Variants in PTPRN2 observed in about 807,000 individuals in gnomAD.
PTPRN2 encodes protein tyrosine phosphatase receptor type N2.
PTPRN2 carries 74 observed loss-of-function variants against 118.8 expected under a neutral mutation model. The observed-to-expected ratio is 0.62, with a 90% CI of 0.52 to 0.76. PTPRN2 has a LOEUF of 0.76. Among genes scored for constraint, PTPRN2 ranks in the 30% least tolerant of loss-of-function variants. The pLI is 0.00. For missense variants in PTPRN2, 1,481 were observed against 1,394.4 expected, an observed-to-expected ratio of 1.06 and a Z score of -0.99; for synonymous variants, 641 against 608.0, an observed-to-expected ratio of 1.05 and a Z score of -0.80.
intron 19 of PTPRN2, among the ~76,000 whole-genome samples, chr7:157,576,174 C>T (rs942991682): frequency 6.6e-6 from 1 of 152,168 alleles, no homozygotes; most frequent in African/African-American, 2.4e-5. Context: ...CAGACAGCCA[C>T]GGGCTAAGTG....
chr7:157,725,454 ATG>A lies in PTPRN2; in HGVS notation c.1789-42519_1789-42518del, dbSNP rs1333380515. On this transcript the variant is annotated intron_variant, in intron 12 of 22. Transcript: ENST00000389418. ...CCTCCCAGGAGAACTGGATATCCAC[ATG>A]CAGAGGAGTGAGCCAGACCCTCACC... 3.3e-3 allele frequency among the ~76,000 whole-genome samples: 306 copies of A among 92,858 alleles called. 1 individual carries two copies. Among genetic ancestry groups the A allele is most frequent in the African/African-American group, 0.01 (201 of 19,748 alleles). The allele number at this position is 92,858 out of a possible 152,430, so 60.9% of individuals were successfully genotyped here. A position where few individuals can be genotyped will look rare whatever the true frequency, so the allele number is the denominator to read the frequency against.
intron 2 of PTPRN2, among the ~76,000 whole-genome samples, chr7:158,357,184 A>T (rs1324360649): frequency 6.6e-6 from 1 of 152,248 alleles, no homozygotes; most frequent in African/African-American, 2.4e-5. Flanking sequence ...TTGCAGGTAG[A>T]GTTTACTGGG....
intron 2 of PTPRN2, among the ~76,000 whole-genome samples, chr7:158,337,570 T>G (rs199528590): frequency 1.2e-3 from 78 of 62,732 alleles, no homozygotes; most frequent in African/African-American, 3.4e-3. Context: ...CTCACCATAA[T>G]TGGTGACACC....
intron 12 of PTPRN2, among the ~76,000 whole-genome samples, chr7:157,759,152 TC>T (rs1186624698): frequency 6.6e-6 from 1 of 152,180 alleles, no homozygotes; most frequent in Admixed American, 6.5e-5. Context: ...GATCTGCCGC[TC>T]CCCCCTTCCC....
At chr7:158,513,556 G>C (rs949843371) in intron 1 of PTPRN2, among the ~76,000 whole-genome samples, 2 of 152,196 alleles carry the variant, frequency 1.3e-5, no homozygotes, top group Non-Finnish European at 2.9e-5. Context: ...GAAGATATGA[G>C]AACTCTCTGT....
chr7:158,090,601 C>A (rs1814036180), intron 10 of PTPRN2, among the ~76,000 whole-genome samples: 1 of 152,122 alleles, frequency 6.6e-6, no homozygotes, highest in Non-Finnish European at 1.5e-5. Flanking sequence ...AACATGCCAA[C>A]AAAGAAGAGA....
At chr7:157,908,104 C>T (rs555050335) in intron 11 of PTPRN2, among the ~76,000 whole-genome samples, 58 of 152,362 alleles carry the variant, frequency 3.8e-4, no homozygotes, top group Non-Finnish European at 7.2e-4. Context: ...GCACATGGGA[C>T]CGGCCGGCGT....
intron 11 of PTPRN2, among the ~76,000 whole-genome samples, chr7:158,062,277 ACT>A (rs1810402778): frequency 6.6e-6 from 1 of 152,166 alleles, no homozygotes; most frequent in Non-Finnish European, 1.5e-5. Flanking sequence ...TGGGACTGAA[ACT>A]CAGTCCTGTG....
At chr7:158,249,682 C>T (rs542290742) in intron 3 of PTPRN2, among the ~76,000 whole-genome samples, 7 of 152,336 alleles carry the variant, frequency 4.6e-5, no homozygotes, top group African/African-American at 1.4e-4. Context: ...GAGGGGTTTC[C>T]TATGGTCAGT....
intron 11 of PTPRN2, among the ~76,000 whole-genome samples, chr7:157,923,095 T>C (rs1028173687): frequency 3.3e-5 from 5 of 152,250 alleles, no homozygotes; most frequent in Admixed American, 2.6e-4. Context: ...GCTGTGTGTG[T>C]CAATAAAGGT....
intron 6 of PTPRN2, among the ~76,000 whole-genome samples, chr7:158,155,751 TCAC>T (rs1821752826): frequency 9.6e-5 from 2 of 20,926 alleles, no homozygotes; most frequent in Non-Finnish European, 2.7e-4. Context: ...ATCATCACCA[TCAC>T]CATCATCATC....
intron 16 of PTPRN2, among the ~76,000 whole-genome samples, chr7:157,597,495 T>C (rs372845340): frequency 6.6e-6 from 1 of 152,108 alleles, no homozygotes; most frequent in Admixed American, 6.5e-5. Flanking sequence ...TTTTTTTTTT[T>C]GCCCAGAGCA....
chr7:158,072,058 CGTG>C (rs1199716762), intron 11 of PTPRN2, among the ~76,000 whole-genome samples: 17 of 114,148 alleles, frequency 1.5e-4, no homozygotes, highest in African/African-American at 4.1e-4. Context: ...TGGAGGTTCC[CGTG>C]GTGGTGGAGG....
chr7:158,020,930 A>G (rs1806830611), intron 11 of PTPRN2, among the ~76,000 whole-genome samples: 1 of 152,230 alleles, frequency 6.6e-6, no homozygotes, highest in Admixed American at 6.5e-5. Context: ...AGCCCCCTCT[A>G]TAGAGGAGGC....
rs1049911473 is a variant in PTPRN2, at chr7:158,446,538, C to T, written c.163+43197G>A. ...CCACCCCCAGCGGGCAGACCCCACCCGGACTCTGCCTGGGCCACAGCCGCC... is the reference window on the plus strand; with the variant it reads ...CCACCCCCAGCGGGCAGACCCCACCTGGACTCTGCCTGGGCCACAGCCGCC... On this transcript the variant is annotated intron_variant, in intron 2 of 22. Transcript: ENST00000389418. 5.3e-5 allele frequency among the ~76,000 whole-genome samples: 8 copies of T among 151,676 alleles called. No homozygotes were observed. The East Asian group carries it at 5.9e-4, about 11-fold the overall frequency.
chr7:158,322,138 G>A (rs1468911958), intron 2 of PTPRN2, among the ~76,000 whole-genome samples: 1 of 152,128 alleles, frequency 6.6e-6, no homozygotes, highest in African/African-American at 2.4e-5. Flanking sequence ...TGCTATGCCT[G>A]CTGCTTGGCT....
Position 158,587,645 on chromosome 7 carries a change from G to C in PTPRN2, c.25C>G (p.Leu9Val). 7.3e-7 allele frequency: 1 copy of C among 1,366,412 alleles called. No individual in the cohort carries two copies. The highest frequency in any genetic ancestry group is 9.4e-7 in the Non-Finnish European group (1 of 1,062,576). The allele number at this position is 1,366,412 out of a possible 1,614,324, so 84.6% of individuals were successfully genotyped here. A position where few individuals can be genotyped will look rare whatever the true frequency, so the allele number is the denominator to read the frequency against. Residue 9 changes from leucine to valine, a missense_variant, in exon 1 of 23, where the codon CTG (leucine) becomes GTG (valine). Leu to Val is a conservative substitution (Grantham distance 32, BLOSUM62 1). Around this residue, in one of 3 missense-constraint regions of PTPRN2, gnomAD observed 1,115 missense variants for 994.2 expected, o/e 1.12. Transcript: ENST00000389418. MGPPLPLL[L>V]LLLLLLPPRV... ...GGCGGCAGCAGCAGCAGTAGCAGCA[G>C]CAGCAGCGGGAGCGGCGGCCCCATC... is the stretch of plus-strand genomic sequence containing the variant.
intron 12 of PTPRN2, among the ~76,000 whole-genome samples, chr7:157,716,291 G>A (rs889774014): frequency 7.7e-6 from 1 of 130,364 alleles, no homozygotes; most frequent in African/African-American, 2.6e-5. Context: ...GACTCTGCAG[G>A]AACACTGCCT....
chr7:158,105,761 C>G (rs892236450), intron 10 of PTPRN2, among the ~76,000 whole-genome samples: 3 of 152,026 alleles, frequency 2.0e-5, no homozygotes, highest in Non-Finnish European at 2.9e-5. Context: ...CCATCCAGTT[C>G]CATCCAGATG....
Sources: allele counts gnomAD v4.1 joint callset (sites outside exome capture counted in the v4.1 genomes callset), GRCh38; gene constraint gnomAD v4.1.1; regional missense constraint gnomAD v4.1.1; transcripts MANE v1.5; gene names NCBI Gene and HGNC (gene_info 2026-07-23, HGNC 2026-07-21).